Variants in CAPN3 observed in about 807,000 individuals in gnomAD.
CAPN3 encodes the protein calpain 3, also known as calpain-3.
A neutral mutation model predicts 114.0 loss-of-function variants in CAPN3; 88 were observed. The observed-to-expected ratio is 0.77, with a 90% CI of 0.65 to 0.92. The LOEUF (loss-of-function observed/expected upper bound fraction) is 0.92, where lower values mean the gene tolerates loss of function less well. Ranked by LOEUF, CAPN3 falls within the 40% of genes least tolerant of loss-of-function variation. CAPN3 has a pLI of 0.00. For missense variants in CAPN3, 1,028 were observed against 1,069.0 expected, an observed-to-expected ratio of 0.96 and a Z score of 0.53; for synonymous variants, 386 against 382.9, an observed-to-expected ratio of 1.01 and a Z score of -0.09.
chr15:42,384,864 T>C (rs1043547781), intron 2 of CAPN3, among the ~76,000 whole-genome samples: 1 of 152,214 alleles, frequency 6.6e-6, no homozygotes, highest in Non-Finnish European at 1.5e-5. Flanking sequence ...CTGTATCGTC[T>C]TTCTTGGAAG....
At chr15:42,409,480 C>G in intron 17 of CAPN3, 100 bp downstream of exon 17, 2 of 1,210,586 alleles carry the variant, frequency 1.7e-6, no homozygotes, top group Middle Eastern at 1.9e-4. Flanking sequence ...GTAGAGGTCA[C>G]TTTGGACTTT....
chr15:42,378,067 C>T (rs1053163647), intron 1 of CAPN3, among the ~76,000 whole-genome samples: 2 of 152,146 alleles, frequency 1.3e-5, no homozygotes, highest in African/African-American at 4.8e-5. Context: ...ACCAAGACAC[C>T]AATATTTAGT....
At chr15:42,404,362 C>T (rs1057210365) in intron 14 of CAPN3, 21 of 456,412 alleles carry the variant, frequency 4.6e-5, no homozygotes, top group Middle Eastern at 6.5e-4. Flanking sequence ...CACTTTACAC[C>T]TTACAAGGTA....
chr15:42,396,557 C>G (rs2053698087), intron 8 of CAPN3, among the ~76,000 whole-genome samples: 2 of 152,050 alleles, frequency 1.3e-5, no homozygotes, highest in African/African-American at 2.4e-5. Flanking sequence ...CAATTCTTAA[C>G]CTTTAAAGTA....
intron 1 of CAPN3, among the ~76,000 whole-genome samples, chr15:42,381,643 A>G (rs1227353019): frequency 6.6e-6 from 1 of 152,082 alleles, no homozygotes; most frequent in African/African-American, 2.4e-5. Context: ...AGGCTCAAGC[A>G]ATTCTCCTGC....
intron 12 of CAPN3, 38 bp from the exon 13 acceptor site, chr15:42,402,753 CCCG>C: frequency 1.2e-6 from 2 of 1,601,808 alleles, no homozygotes; most frequent in Non-Finnish European, 1.7e-6. Context: ...GGATGTTCCT[CCCG>C]AGGGGCTCAT....
chr15:42,366,305 C>T (rs560496269), intron 1 of CAPN3, among the ~76,000 whole-genome samples: 2 of 152,182 alleles, frequency 1.3e-5, no homozygotes, highest in Non-Finnish European at 2.9e-5. Context: ...TGCTGTCTAT[C>T]GACATGGACC....
chr15:42,411,615 T>C, intron 23 of CAPN3, 132 bp from the exon 24 acceptor site: 1 of 757,910 alleles, frequency 1.3e-6, no homozygotes, highest in Non-Finnish European at 2.4e-6. Flanking sequence ...AGCCACTGCT[T>C]CTTGGAAAAT....
rs1426656266 is a variant in CAPN3, at chr15:42,359,911, G to A, written c.106G>A (p.Gly36Ser). The A allele has an allele frequency of 5.0e-6, 8 of 1,614,080 alleles. No individual in the cohort carries two copies. The highest frequency in any genetic ancestry group is 2.7e-5 in the African/African-American group (2 of 74,936). ...PAQSKATEAG[G>S]GNPSGIYSAI... ...CCAGAGCAAGGCCACTGAGGCTGGG[G>A]GTGGAAACCCAAGTGGCATCTATTC... Residue 36 changes from glycine to serine, a missense_variant, in exon 1 of 24, where the codon GGT (glycine) becomes AGT (serine). Physicochemically the swap from Gly to Ser is moderately conservative, Grantham distance 56. Coordinates refer to ENST00000397163, the MANE Select transcript of CAPN3 (RefSeq NM_000070.3).
intron 1 of CAPN3, among the ~76,000 whole-genome samples, chr15:42,367,125 C>T (rs2052808019): frequency 6.6e-6 from 1 of 152,194 alleles, no homozygotes; most frequent in South Asian, 2.1e-4. Context: ...AGGCTCTGCA[C>T]CCGGCCTCCC....
At position 42,410,896 on chromosome 15, in the gene CAPN3, A is replaced by G. The variant is rs1346532563; in HGVS notation, c.2276A>G (p.Asn759Ser). The change falls in exon 22 of 24, where the codon AAC becomes AGC. Residue 759 changes from asparagine (N) to serine (S), a missense_variant. By Grantham distance (46) the Asn-to-Ser change is conservative. Transcript: ENST00000397163. ...GTCCCCTCCACAGGATTCCACCTCA[A>G]CAACCAGCTCTATGACATCATTACC... ...NAVNDAGFHL[N>S]NQLYDIITMR... 3.1e-6 allele frequency: 5 copies of G among 1,613,908 alleles called. No individual in the cohort carries two copies. The highest frequency in any genetic ancestry group is 2.7e-5 in the African/African-American group (2 of 74,938).
At chr15:42,406,585 AAAG>A (rs1477116458) in intron 15 of CAPN3, among the ~76,000 whole-genome samples, 1 of 151,924 alleles carries the variant, frequency 6.6e-6, no homozygotes, top group Admixed American at 6.5e-5. Context: ...AGATAGACTC[AAAG>A]AAGTGAACTT....
intron 6 of CAPN3, among the ~76,000 whole-genome samples, chr15:42,390,454 T>C (rs143168692): frequency 6.6e-6 from 1 of 152,326 alleles, no homozygotes; most frequent in East Asian, 1.9e-4. Flanking sequence ...GCTCCTACTA[T>C]GTTCCAGGCA....
intron 6 of CAPN3, among the ~76,000 whole-genome samples, chr15:42,390,319 A>G (rs2053521796): frequency 6.6e-6 from 1 of 152,234 alleles, no homozygotes; most frequent in Non-Finnish European, 1.5e-5. Context: ...TGCATATTCC[A>G]TGGTCCAGGC....
chr15:42,402,957 G>A lies in CAPN3; in HGVS notation c.1700G>A (p.Gly567Glu). The change falls in exon 13 of 24, where the codon GGG becomes GAG. Residue 567 changes from glycine (G) to glutamate (E), a missense_variant. Transcript: ENST00000397163. ...VPSTYEPHQE[G>E]EFILRVFSEK... ...TCCACCTACGAGCCCCACCAGGAGG[G>A]GGAATTCATCCTCCGGGTCTTCTCT... is the stretch of plus-strand genomic sequence containing the variant. The A allele has an allele frequency of 6.2e-7, 1 of 1,614,190 alleles. No homozygotes were observed.
rs1156434789 is a variant in CAPN3, at chr15:42,398,634, CAT to C, written c.1194-850_1194-849del. ...ACACACACACACACACACACACACA[CAT>C]ATATATACACACATATATATACACA... On this transcript the variant is annotated intron_variant, in intron 9 of 23. Coordinates refer to ENST00000397163, the MANE Select transcript of CAPN3 (RefSeq NM_000070.3). 9.4e-3 allele frequency among the ~76,000 whole-genome samples: 1,170 copies of C among 123,910 alleles called. 6 individuals carry two copies. The highest frequency in any genetic ancestry group is 0.012 in the Middle Eastern group (3 of 244). The allele number at this position is 123,910 out of a possible 152,430, so 81.3% of individuals were successfully genotyped here.
In CAPN3 at chr15:42,411,937, T is replaced by TTG; in HGVS notation, c.*165_*166dup. The TTG allele has an allele frequency of 6.5e-7, 1 of 1,543,394 alleles. No individual in the cohort carries two copies. Among genetic ancestry groups the TTG allele is most frequent in the Non-Finnish European group, 8.8e-7 (1 of 1,142,772 alleles). On this transcript the variant is annotated 3_prime_UTR_variant, in exon 24 of 24. Transcript: ENST00000397163. ...CCTCCATTTTACCCCCTACCCATCCTTGATCGGTCATGCCTAGCCTGACCC... is the reference window on the plus strand; with the variant it reads ...CCTCCATTTTACCCCCTACCCATCCTTGTGATCGGTCATGCCTAGCCTGACCC...
chr15:42,380,368 CTTTTTTTTTTT>C (rs776441239), intron 1 of CAPN3, among the ~76,000 whole-genome samples: 1 of 46,104 alleles, frequency 2.2e-5, no homozygotes, highest in African/African-American at 1.1e-4. Flanking sequence ...TCTTTTTTGT[CTTTTTTTTTTT>C]TTTTTTTTTT....
Position 42,386,239 on chromosome 15 carries a change from A to G in CAPN3, c.452A>G (p.His151Arg), listed in dbSNP as rs766369281. The G allele has an allele frequency of 6.8e-6, 11 of 1,613,956 alleles. No individual in the cohort carries two copies. Among genetic ancestry groups the G allele is most frequent in the Non-Finnish European group, 9.3e-6 (11 of 1,179,984 alleles). Residue 151 changes from histidine to arginine, a missense_variant, in exon 3 of 24, where the codon CAT (histidine) becomes CGT (arginine). Transcript: ENST00000397163. ...CACCTTCTTTTCCGAGTCATACCCC[A>G]TGATCAAAGTTTCATCGAAAACTAC... ...NQHLLFRVIP[H>R]DQSFIENYAG... is the part of the protein sequence containing the mutation.
Sources: gnomAD v4.1 joint callset for allele counts (sites outside exome capture counted in the v4.1 genomes callset) on GRCh38, gnomAD v4.1.1 for gene constraint, MANE v1.5 for transcripts, NCBI Gene and HGNC (gene_info 2026-07-23, HGNC 2026-07-21) for gene names.